Variants in PLA2R1 observed in about 807,000 individuals in gnomAD.
The protein encoded by PLA2R1 is phospholipase A2 receptor 1.
Under a neutral mutation model 195.9 loss-of-function variants are expected in PLA2R1, and 158 were observed. That is an observed-to-expected ratio of 0.81 (90% CI 0.71 to 0.92). PLA2R1 has a LOEUF of 0.92. Among genes scored for constraint, PLA2R1 ranks in the 40% least tolerant of loss-of-function variants. The pLI, the probability that PLA2R1 is intolerant of heterozygous loss-of-function variation, is 0.00. For synonymous variants in PLA2R1, 586 were observed against 598.2 expected (o/e 0.98, Z 0.30); for missense variants, 1,626 against 1,764.6 (o/e 0.92, Z 1.41).
rs752475872 is a variant in PLA2R1 at position 159,967,628 on chromosome 2, G to A, written c.2815C>T (p.Arg939Ter). 53 of 1,612,982 alleles carry A rather than the reference G, an allele frequency of 3.3e-5. No homozygotes were observed. The South Asian group carries it at 4.3e-4, about 13-fold the overall frequency. Residue 939 changes from arginine (R) to a stop codon, truncating the protein, a stop_gained, in exon 20 of 30, where the codon CGA (arginine) becomes TGA (stop). Coordinates refer to ENST00000283243, the MANE Select transcript of PLA2R1 (RefSeq NM_007366.5). LOFTEE classifies it high-confidence loss of function. The stretch of plus-strand genomic sequence containing the variant: ...TTCTCTATGAGCCAAACCTTTTTTC[G>A]CTTACAGATACTAGGCATAGAAACT... Reference protein sequence around the residue: ...CSVSMPSICKRKKVWLIEKKK... With the variant: ...CSVSMPSICK
intron 17 of PLA2R1, among the ~76,000 whole-genome samples, chr2:159,975,710 G>A (rs565442665): frequency 1.3e-5 from 2 of 152,086 alleles, no homozygotes; most frequent in Admixed American, 1.3e-4. Flanking sequence ...TAAACTCCAT[G>A]AAGATAGGAA....
chr2:159,993,339 G>C (rs1690964434), intron 11 of PLA2R1, among the ~76,000 whole-genome samples: 1 of 151,960 alleles, frequency 6.6e-6, no homozygotes, highest in Non-Finnish European at 1.5e-5. Flanking sequence ...GGTGTTTTGA[G>C]AATGGGAAAT....
At chr2:160,015,138 C>T (rs1035960071) in intron 9 of PLA2R1, among the ~76,000 whole-genome samples, 1 of 152,182 alleles carries the variant, frequency 6.6e-6, no homozygotes, top group East Asian at 1.9e-4. Flanking sequence ...CTGATTATAT[C>T]AGTTAACCCT....
At chr2:160,047,016 A>G (rs1694911702) in intron 1 of PLA2R1, among the ~76,000 whole-genome samples, 1 of 152,206 alleles carries the variant, frequency 6.6e-6, no homozygotes, top group Non-Finnish European at 1.5e-5. Context: ...TTATTTTACT[A>G]TAATGGTTTT....
rs1332145393 is a variant in PLA2R1, at chr2:160,005,655, G to A, written c.1831C>T (p.Pro611Ser). The A allele has an allele frequency of 6.2e-7, 1 of 1,613,248 alleles. No individual in the cohort carries two copies. Among genetic ancestry groups the A allele is most frequent in the Admixed American group, 1.7e-5 (1 of 59,972 alleles). ...VQYTHWNTHQ[P>S]RYSGGCVAMR... ...TGATGCAGCACACTCTACTCACGCGGCTGGTGTGTGTTCCAGTGTGTGTAC... is the reference window on the plus strand; with the variant it reads ...TGATGCAGCACACTCTACTCACGCGACTGGTGTGTGTTCCAGTGTGTGTAC... Residue 611 changes from proline to serine, a missense_variant, in exon 11 of 30, where the codon CCG (proline) becomes TCG (serine). Coordinates refer to ENST00000283243, the MANE Select transcript of PLA2R1 (RefSeq NM_007366.5).
intron 11 of PLA2R1, among the ~76,000 whole-genome samples, chr2:159,996,530 C>T (rs1021583849): frequency 4.0e-5 from 6 of 151,840 alleles, no homozygotes; most frequent in Admixed American, 3.3e-4. Flanking sequence ...GTTTTTCGTG[C>T]GTTCATCTTG....
rs1220407990 is a variant in PLA2R1, at chr2:160,046,483, G to A, written c.110-1326C>T. On this transcript the variant is annotated intron_variant, in intron 1 of 29. Coordinates refer to ENST00000283243, the MANE Select transcript of PLA2R1 (RefSeq NM_007366.5). The stretch of plus-strand genomic sequence containing the variant: ...AGGACGGGCCTCCTCATGGATCCAC[G>A]AGGGAACAATGCTTCATTCTGGTAA... Among the ~76,000 whole-genome samples, 6 of 152,204 alleles carry A rather than the reference G, an allele frequency of 3.9e-5. No homozygotes were observed. The South Asian group carries it at 8.3e-4, about 21-fold the overall frequency.
chr2:159,957,324 G>A (rs1688155270), intron 20 of PLA2R1, among the ~76,000 whole-genome samples: 1 of 152,150 alleles, frequency 6.6e-6, no homozygotes, highest in Non-Finnish European at 1.5e-5. Context: ...AGAGAATCAT[G>A]TCTGCATCAT....
Position 159,936,460 on chromosome 2 carries a change from ATTAG to A in PLA2R1, c.*5314_*5317del, listed in dbSNP as rs1017509561. On this transcript the variant is annotated 3_prime_UTR_variant, in exon 30 of 30. Transcript: ENST00000283243. Reference sequence around the variant, plus strand: ...ATGGATATATCATAGATAAAAATTAATTAGTATTAAAAACTGCTAGTATAAATCA... The same window carrying A: ...ATGGATATATCATAGATAAAAATTAATATTAAAAACTGCTAGTATAAATCA... 1.6e-4 allele frequency: 24 copies of A among 152,264 alleles called. No individual in the cohort carries two copies. Among genetic ancestry groups the A allele is most frequent in the African/African-American group, 5.5e-4 (23 of 41,470 alleles). The allele number at this position is 152,264 out of a possible 1,614,324, so 9.4% of individuals were successfully genotyped here.
At chr2:159,989,038 C>T (rs1227830027) in intron 11 of PLA2R1, among the ~76,000 whole-genome samples, 2 of 152,148 alleles carry the variant, frequency 1.3e-5, no homozygotes, top group African/African-American at 2.4e-5. Context: ...GAATCAGAGA[C>T]CCTCAAAGGT....
chr2:159,993,842 C>T (rs1691011001), intron 11 of PLA2R1, among the ~76,000 whole-genome samples: 1 of 152,114 alleles, frequency 6.6e-6, no homozygotes, highest in African/African-American at 2.4e-5. Flanking sequence ...AGAAAAACAC[C>T]ACTAATGGGT....
intron 11 of PLA2R1, among the ~76,000 whole-genome samples, chr2:159,992,270 G>C (rs1690868196): frequency 1.3e-5 from 2 of 151,972 alleles, no homozygotes; most frequent in South Asian, 4.2e-4. Context: ...CTTCTTTTGA[G>C]AAGTGTCTGT....
rs879130648 is a variant in PLA2R1, at chr2:160,013,703, G to GTC, written c.1552-330_1552-329dup. Reference sequence around the variant, plus strand: ...TCTCTCTCTCTCTCTCTCTCTCTCTGTCTCTCTCTCTCTCTCTCTGTGTGT... The same window carrying GTC: ...TCTCTCTCTCTCTCTCTCTCTCTCTGTCTCTCTCTCTCTCTCTCTCTGTGTGT... On this transcript the variant is annotated intron_variant, in intron 9 of 29. Transcript: ENST00000283243. Among the ~76,000 whole-genome samples the GTC allele has an allele frequency of 4.1e-5, 4 of 96,410 alleles. No homozygotes were observed. The South Asian group carries it at 9.0e-4, about 22-fold the overall frequency. 63.2% of individuals were successfully genotyped at this position (96,410 alleles called of 152,430 possible). A position where few individuals can be genotyped will look rare whatever the true frequency, so the allele number is the denominator to read the frequency against.
chr2:159,981,469 A>G (rs1366903159), intron 13 of PLA2R1, among the ~76,000 whole-genome samples: 1 of 151,956 alleles, frequency 6.6e-6, no homozygotes, highest in Non-Finnish European at 1.5e-5. Flanking sequence ...AGTAGCACAC[A>G]ATCTTGGCTC....
rs1323917271 is a variant in PLA2R1, at chr2:160,044,884, T to A, written c.383A>T (p.Tyr128Phe). ...NRKMITGPLQ[Y>F]SVQVAHDNTV... ...GTTGTCATGCGCCACCTGGACAGAG[T>A]ACTGCAGCGGGCCTGTGATCATCTT... The change falls in exon 2 of 30, where the codon TAC becomes TTC. Residue 128 changes from tyrosine to phenylalanine, a missense_variant. By Grantham distance (22) the Tyr-to-Phe change is conservative (BLOSUM62 3). Transcript: ENST00000283243. 24 of 1,613,946 alleles carry A rather than the reference T, an allele frequency of 1.5e-5. No individual in the cohort carries two copies. The highest frequency in any genetic ancestry group is 2.7e-5 in the African/African-American group (2 of 74,884).
chr2:160,054,996 A>G (rs1401395257), intron 1 of PLA2R1, among the ~76,000 whole-genome samples: 3 of 152,200 alleles, frequency 2.0e-5, no homozygotes, highest in Non-Finnish European at 4.4e-5. Flanking sequence ...AACTTGATAT[A>G]AATAAGCAGA....
In PLA2R1 at chr2:159,938,494, T is replaced by C. The variant is rs1409733637; in HGVS notation, c.*3284A>G. ...CTGCAGGGGTGAAGTGACTGCCTTG[T>C]AGCCAAGAACTGCAGTGTTCGGATA... On this transcript the variant is annotated 3_prime_UTR_variant, in exon 30 of 30. Transcript: ENST00000283243. The C allele has an allele frequency of 6.6e-6, 1 of 152,208 alleles. No homozygotes were observed. The highest frequency in any genetic ancestry group is 1.5e-5 in the Non-Finnish European group (1 of 68,044). 9.4% of individuals were successfully genotyped at this position (152,208 alleles called of 1,614,324 possible). A position where few individuals can be genotyped will look rare whatever the true frequency, so the allele number is the denominator to read the frequency against.
In PLA2R1 at chr2:159,944,808, T is replaced by A. The variant is rs970920992; in HGVS notation, c.4144+98A>T. On this transcript the variant is annotated intron_variant, in intron 28 of 29. Transcript: ENST00000283243. ...AATGTCAGAATCTATCTGAATACTC[T>A]CTCAACTTGGATTTTAAAACCTTTA... 4 of 864,882 alleles carry A rather than the reference T, an allele frequency of 4.6e-6. No individual in the cohort carries two copies. In the Admixed American group the frequency reaches 5.8e-5, roughly 12 times the overall value. The allele number at this position is 864,882 out of a possible 1,614,324, so 53.6% of individuals were successfully genotyped here. A position where few individuals can be genotyped will look rare whatever the true frequency, so the allele number is the denominator to read the frequency against.
intron 11 of PLA2R1, among the ~76,000 whole-genome samples, chr2:159,992,077 C>T (rs1288267312): frequency 1.4e-5 from 2 of 138,972 alleles, no homozygotes; most frequent in African/African-American, 2.6e-5. Context: ...TACAGTCCCA[C>T]CAACAGTGTA....
Sources: gnomAD v4.1 joint callset for allele counts (sites outside exome capture counted in the v4.1 genomes callset) on GRCh38, gnomAD v4.1.1 for gene constraint, MANE v1.5 for transcripts, NCBI Gene and HGNC (gene_info 2026-07-23, HGNC 2026-07-21) for gene names.